The following MAGI1 variants were observed in gnomAD, a reference collection of about 807,000 sequenced individuals.
MAGI1 encodes the protein membrane associated guanylate kinase, WW and PDZ domain containing 1.
A neutral mutation model predicts 139.9 loss-of-function variants in MAGI1; 58 were observed. The ratio of observed to expected loss-of-function variants is 0.41; its 90% CI spans 0.34 to 0.52. The LOEUF is 0.52. Ranked by LOEUF, MAGI1 falls within the 20% of genes least tolerant of loss-of-function variation. The pLI, the probability that MAGI1 is intolerant of heterozygous loss-of-function variation, is 0.12. For missense variants in MAGI1, 1,874 were observed against 1,901.6 expected, an observed-to-expected ratio of 0.99 and a Z score of 0.27; for synonymous variants, 812 against 737.9, an observed-to-expected ratio of 1.10 and a Z score of -1.63.
At chr3:65,817,231 G>A (rs2041662852) in intron 1 of MAGI1, among the ~76,000 whole-genome samples, 1 of 152,088 alleles carries the variant, frequency 6.6e-6, no homozygotes, top group Non-Finnish European at 1.5e-5. Flanking sequence ...AGAACTATAT[G>A]CTTTTTTAAA....
At chr3:65,519,048 G>A (rs1417342353) in intron 2 of MAGI1, among the ~76,000 whole-genome samples, 3 of 152,122 alleles carry the variant, frequency 2.0e-5, no homozygotes, top group Non-Finnish European at 4.4e-5. Flanking sequence ...AAGTGTTCTA[G>A]GCACAACAGG....
At chr3:65,371,302 C>T (rs1413690940) in intron 18 of MAGI1, among the ~76,000 whole-genome samples, 2 of 152,206 alleles carry the variant, frequency 1.3e-5, no homozygotes, top group Admixed American at 6.5e-5. Context: ...TAAAGTGAGT[C>T]ATGCAAATTC....
At chr3:65,760,859 G>A (rs578208390) in intron 1 of MAGI1, among the ~76,000 whole-genome samples, 10 of 152,182 alleles carry the variant, frequency 6.6e-5, no homozygotes, top group African/African-American at 1.7e-4. Context: ...CATCTGAGAA[G>A]GAGGGAAAGA....
chr3:65,986,008 G>A (rs977060776), intron 1 of MAGI1, among the ~76,000 whole-genome samples: 2 of 152,180 alleles, frequency 1.3e-5, no homozygotes, highest in Admixed American at 6.5e-5. Context: ...TAGATTCTCT[G>A]CCCTTCATTG....
intron 1 of MAGI1, among the ~76,000 whole-genome samples, chr3:66,013,622 G>A (rs956923449): frequency 4.8e-4 from 73 of 151,430 alleles, no homozygotes; most frequent in African/African-American, 1.6e-3. Flanking sequence ...TTAGCTGGTC[G>A]TGGTGGCGGG....
intron 1 of MAGI1, among the ~76,000 whole-genome samples, chr3:65,930,460 G>A (rs958724490): frequency 1.3e-5 from 2 of 151,686 alleles, no homozygotes; most frequent in Non-Finnish European, 2.9e-5. Context: ...GGCCAGGCAC[G>A]GTGGCTCACA....
chr3:65,762,339 T>C (rs2037101467), intron 1 of MAGI1, among the ~76,000 whole-genome samples: 1 of 152,014 alleles, frequency 6.6e-6, no homozygotes, highest in African/African-American at 2.4e-5. Context: ...ATAAAGGAGA[T>C]ACATGTAGCA....
At chr3:65,622,219 G>A (rs2083714348) in intron 1 of MAGI1, 131 bp from the exon 2 acceptor site, 1 of 705,428 alleles carries the variant, frequency 1.4e-6, no homozygotes, top group Non-Finnish European at 2.5e-6. Flanking sequence ...TTAGGAGGAT[G>A]TACTTTAGGT....
At chr3:65,638,474 C>T (rs551862720) in intron 1 of MAGI1, among the ~76,000 whole-genome samples, 2 of 151,798 alleles carry the variant, frequency 1.3e-5, no homozygotes, top group African/African-American at 2.4e-5. Context: ...TTCACACGCC[C>T]GCTTCTGTTT....
chr3:65,489,277 A>G (rs2107652867), intron 3 of MAGI1, among the ~76,000 whole-genome samples: 1 of 152,362 alleles, frequency 6.6e-6, no homozygotes, highest in African/African-American at 2.4e-5. Flanking sequence ...GCACCTTCAA[A>G]GTCAGGTAGT....
intron 1 of MAGI1, among the ~76,000 whole-genome samples, chr3:65,865,634 TTTTTG>T (rs370296702): frequency 2.6e-5 from 4 of 152,056 alleles, no homozygotes; most frequent in Admixed American, 6.5e-5. Context: ...TGCAAGTGTT[TTTTTG>T]TTTTGTTTTG....
chr3:65,670,393 C>T (rs1038203651), intron 1 of MAGI1, among the ~76,000 whole-genome samples: 2 of 151,256 alleles, frequency 1.3e-5, no homozygotes, highest in African/African-American at 4.9e-5. Flanking sequence ...TTATTGCCAA[C>T]ATTGAAGTTT....
At chr3:65,404,449 G>C (rs917461378) in intron 12 of MAGI1, among the ~76,000 whole-genome samples, 11 of 152,036 alleles carry the variant, frequency 7.2e-5, no homozygotes, top group Non-Finnish European at 8.8e-5. Flanking sequence ...CTCTTTGCCG[G>C]CTAGTTGCTG....
intron 1 of MAGI1, among the ~76,000 whole-genome samples, chr3:65,800,694 T>G (rs535440709): frequency 4.6e-5 from 7 of 152,186 alleles, no homozygotes; most frequent in Non-Finnish European, 1.5e-5. Flanking sequence ...AAAGGAGTGA[T>G]AGCAAAAACT....
At chr3:65,521,020 T>C (rs778236021) in intron 2 of MAGI1, among the ~76,000 whole-genome samples, 2 of 152,192 alleles carry the variant, frequency 1.3e-5, no homozygotes, top group Non-Finnish European at 2.9e-5. Flanking sequence ...AAGGGCATGA[T>C]TTTATCAATC....
intron 2 of MAGI1, among the ~76,000 whole-genome samples, chr3:65,566,131 G>A (rs879702971): frequency 1.3e-5 from 2 of 148,370 alleles, no homozygotes; most frequent in Non-Finnish European, 3.0e-5. Flanking sequence ...GCAGGCACCT[G>A]TAGTCCCAGC....
intron 10 of MAGI1, 23 bp from the exon 11 acceptor site, chr3:65,430,904 T>C (rs879901667): frequency 6.2e-7 from 1 of 1,607,988 alleles, no homozygotes; most frequent in Non-Finnish European, 8.5e-7. Flanking sequence ...AAGAAACGCA[T>C]AAGGAATGTC....
At chr3:65,369,535 C>G (rs2106790858) in intron 18 of MAGI1, among the ~76,000 whole-genome samples, 1 of 146,974 alleles carries the variant, frequency 6.8e-6, no homozygotes, top group Non-Finnish European at 1.5e-5. Context: ...TCTGGAGACA[C>G]AGTCTCACTG....
At chr3:65,968,950 CAGAG>C (rs962011479) in intron 1 of MAGI1, among the ~76,000 whole-genome samples, 1 of 152,108 alleles carries the variant, frequency 6.6e-6, no homozygotes, top group African/African-American at 2.4e-5. Context: ...CCAAGGTAGT[CAGAG>C]AGCATATTTG....
Sources: allele counts gnomAD v4.1 joint callset (sites outside exome capture counted in the v4.1 genomes callset), GRCh38; gene constraint gnomAD v4.1.1; transcripts MANE v1.5; gene names NCBI Gene and HGNC (gene_info 2026-07-23, HGNC 2026-07-21).